FSTL5: variants seen among roughly 807,000 people sequenced by gnomAD.
FSTL5 encodes the protein follistatin like 5, also known as follistatin-related protein 5.
A neutral mutation model predicts 89.1 loss-of-function variants in FSTL5; 62 were observed. The observed-to-expected ratio is 0.70, with a 90% confidence interval of 0.57 to 0.86. FSTL5 has a LOEUF of 0.86. Among genes scored for constraint, FSTL5 ranks in the 40% least tolerant of loss-of-function variants. The pLI is 0.00. For missense variants in FSTL5, 1,057 were observed against 1,001.6 expected, an observed-to-expected ratio of 1.06 and a Z score of -0.75; for synonymous variants, 383 against 346.2, an observed-to-expected ratio of 1.11 and a Z score of -1.18.
At chr4:161,423,485 A>C (rs997500740) in intron 15 of FSTL5, among the ~76,000 whole-genome samples, 1 of 152,148 alleles carries the variant, frequency 6.6e-6, no homozygotes, top group African/African-American at 2.4e-5. Context: ...TTGAAATGGA[A>C]TAATTCTCTG....
intron 3 of FSTL5, among the ~76,000 whole-genome samples, chr4:161,964,066 T>C (rs1440587): frequency 6.6e-6 from 1 of 151,762 alleles, no homozygotes; most frequent in Non-Finnish European, 1.5e-5. Flanking sequence ...GCTTTATGAA[T>C]GCTAAATACT....
chr4:162,049,909 T>C (rs1415801090), intron 2 of FSTL5, among the ~76,000 whole-genome samples: 2 of 151,906 alleles, frequency 1.3e-5, no homozygotes, highest in African/African-American at 2.4e-5. Flanking sequence ...GAGAAAACGA[T>C]AGTTGACATA....
chr4:161,793,186 A>C (rs1203621639), intron 4 of FSTL5, among the ~76,000 whole-genome samples: 3 of 152,176 alleles, frequency 2.0e-5, no homozygotes, highest in African/African-American at 4.8e-5. Flanking sequence ...AATGTGCCTG[A>C]CTGTGCCCAG....
intron 7 of FSTL5, among the ~76,000 whole-genome samples, chr4:161,596,762 G>C (rs1734023478): frequency 6.6e-6 from 1 of 152,110 alleles, no homozygotes; most frequent in Non-Finnish European, 1.5e-5. Flanking sequence ...TTAGGAATAT[G>C]GAAGTTTTTA....
At chr4:161,918,003 C>T (rs765537437) in intron 4 of FSTL5, among the ~76,000 whole-genome samples, 2 of 152,080 alleles carry the variant, frequency 1.3e-5, no homozygotes, top group Non-Finnish European at 2.9e-5. Flanking sequence ...TAAAAAATCC[C>T]TAAATGAATA....
chr4:161,544,934 G>A (rs372473851), intron 8 of FSTL5, among the ~76,000 whole-genome samples: 2 of 151,802 alleles, frequency 1.3e-5, no homozygotes, highest in South Asian at 4.2e-4. Context: ...AATACAATCT[G>A]AAACTTTTTT....
At chr4:162,035,180 A>T (rs1737686867) in intron 2 of FSTL5, 1 of 152,088 alleles carries the variant, frequency 6.6e-6, no homozygotes, top group African/African-American at 2.4e-5. Context: ...ATTTCACCAA[A>T]TATGTATGGA....
Position 161,529,564 on chromosome 4 carries a change from G to A in FSTL5, c.1312+8602C>T, listed in dbSNP as rs922902680. Among the ~76,000 whole-genome samples the A allele has an allele frequency of 1.4e-5, 2 of 140,748 alleles. 1 individual carries two copies. The highest frequency in any genetic ancestry group is 5.0e-5 in the African/African-American group (2 of 39,642). The allele number at this position is 140,748 out of a possible 152,430, so 92.3% of individuals were successfully genotyped here. A position where few individuals can be genotyped will look rare whatever the true frequency, so the allele number is the denominator to read the frequency against. On this transcript the variant is annotated intron_variant, in intron 10 of 15. Coordinates refer to ENST00000306100, the MANE Select transcript of FSTL5 (RefSeq NM_020116.5). ...ATCAAATATTAAACAAGTAATTTGG[G>A]GCTTTTCAAAAAGAAATACAAATTG... is the stretch of plus-strand genomic sequence containing the variant.
At chr4:161,662,098 T>C (rs1736735984) in intron 6 of FSTL5, among the ~76,000 whole-genome samples, 1 of 152,082 alleles carries the variant, frequency 6.6e-6, no homozygotes, top group Non-Finnish European at 1.5e-5. Flanking sequence ...ATAGGGAAAA[T>C]AATGGAGTGT....
chr4:161,567,372 G>A (rs992814495), intron 8 of FSTL5, among the ~76,000 whole-genome samples: 1 of 152,042 alleles, frequency 6.6e-6, no homozygotes, highest in Non-Finnish European at 1.5e-5. Flanking sequence ...TCTTGAGAGT[G>A]CCCTCATGTT....
chr4:161,463,771 A>G (rs1407178418), intron 13 of FSTL5, among the ~76,000 whole-genome samples: 6 of 152,186 alleles, frequency 3.9e-5, no homozygotes, highest in Non-Finnish European at 8.8e-5. Flanking sequence ...ATGGTTCTCC[A>G]CATGTTATGC....
intron 15 of FSTL5, among the ~76,000 whole-genome samples, chr4:161,415,645 A>T (rs1731746450): frequency 6.7e-6 from 1 of 150,082 alleles, no homozygotes; most frequent in African/African-American, 2.4e-5. Context: ...GTTGTATTAT[A>T]GGGGATACAT....
intron 15 of FSTL5, chr4:161,387,990 AAC>A (rs1489907681): frequency 6.6e-6 from 1 of 152,066 alleles, no homozygotes; most frequent in East Asian, 1.9e-4. Flanking sequence ...ATTGCAGATC[AAC>A]ATAACTCTCC....
At chr4:161,775,376 A>C (rs1741370215) in intron 5 of FSTL5, among the ~76,000 whole-genome samples, 1 of 152,138 alleles carries the variant, frequency 6.6e-6, no homozygotes, top group African/African-American at 2.4e-5. Flanking sequence ...TCTACTACTA[A>C]AACAAACTGA....
At chr4:161,421,751 AG>A (rs1731998488) in intron 15 of FSTL5, among the ~76,000 whole-genome samples, 1 of 152,208 alleles carries the variant, frequency 6.6e-6, no homozygotes, top group South Asian at 2.1e-4. Flanking sequence ...TAGAACAAAA[AG>A]GAGGAGGGAG....
chr4:161,443,780 G>T (rs1732855671), intron 15 of FSTL5, among the ~76,000 whole-genome samples: 1 of 151,962 alleles, frequency 6.6e-6, no homozygotes, highest in Non-Finnish European at 1.5e-5. Context: ...ATCTAAATGA[G>T]AATTGGAAAG....
chr4:162,080,233 TC>T (rs1317004403), intron 2 of FSTL5, among the ~76,000 whole-genome samples: 5 of 151,636 alleles, frequency 3.3e-5, no homozygotes, highest in Non-Finnish European at 7.4e-5. Flanking sequence ...GGAAATAATT[TC>T]ACCTATATTT....
intron 3 of FSTL5, among the ~76,000 whole-genome samples, chr4:161,971,041 A>C (rs1227864899): frequency 2.2e-5 from 3 of 135,422 alleles, no homozygotes; most frequent in Non-Finnish European, 5.2e-5. Context: ...AAATTATTTT[A>C]TTAGGAAACA....
intron 5 of FSTL5, among the ~76,000 whole-genome samples, chr4:161,770,320 A>G (rs1294006509): frequency 6.6e-6 from 1 of 151,990 alleles, no homozygotes; most frequent in East Asian, 1.9e-4. Flanking sequence ...CAATGCTAAT[A>G]TTGTACATTT....
Sources: gnomAD v4.1 joint callset for allele counts (sites outside exome capture counted in the v4.1 genomes callset) on GRCh38, gnomAD v4.1.1 for gene constraint, MANE v1.5 for transcripts, NCBI Gene and HGNC (gene_info 2026-07-23, HGNC 2026-07-21) for gene names.